CACNB2: variants seen among roughly 807,000 people sequenced by gnomAD.
The protein encoded by CACNB2 is calcium voltage-gated channel auxiliary subunit beta 2.
A neutral mutation model predicts 73.3 loss-of-function variants in CACNB2; 42 were observed. The observed-to-expected ratio is 0.57, with a 90% CI of 0.45 to 0.74. CACNB2 has a LOEUF of 0.74. Ranked by LOEUF, CACNB2 falls within the 30% of genes least tolerant of loss-of-function variation. The probability of loss-of-function intolerance (pLI) is 0.00; values close to 1 mark genes in which losing one functional copy is unlikely to be tolerated. For missense variants in CACNB2, 940 were observed against 853.0 expected (o/e 1.10, Z -1.27); for synonymous variants, 348 against 310.3 (o/e 1.12, Z -1.28).
At chr10:18,391,567 G>A (rs929316185) in intron 2 of CACNB2, among the ~76,000 whole-genome samples, 1 of 152,118 alleles carries the variant, frequency 6.6e-6, no homozygotes, top group Non-Finnish European at 1.5e-5. Context: ...CCTCGTGGGT[G>A]TTATATCCTA....
At chr10:18,385,662 T>A (rs58941357) in intron 2 of CACNB2, among the ~76,000 whole-genome samples, 60,744 of 144,366 alleles carry the variant, frequency 0.42, 13,867 homozygotes, top group East Asian at 0.94. Flanking sequence ...AAAAAAAAAA[T>A]TTATTCAAAT....
intron 2 of CACNB2, among the ~76,000 whole-genome samples, chr10:18,385,081 A>C (rs1589206601): frequency 6.6e-6 from 1 of 152,064 alleles, no homozygotes; most frequent in Non-Finnish European, 1.5e-5. Context: ...GGAGTTCGAG[A>C]CCAGCCTGGC....
chr10:18,513,597 C>G (rs950760058), intron 6 of CACNB2: 29 of 334,192 alleles, frequency 8.7e-5, no homozygotes, highest in African/African-American at 5.5e-4. Context: ...GCTTTACGAC[C>G]CATTTTGAAC....
intron 1 of CACNB2, among the ~76,000 whole-genome samples, chr10:18,146,840 G>A (rs1028413011): frequency 6.6e-6 from 1 of 152,076 alleles, no homozygotes; most frequent in Admixed American, 6.6e-5. Context: ...CCAGGCTAGT[G>A]TCAAACTCCT....
chr10:18,180,718 G>A (rs750830107), intron 2 of CACNB2, among the ~76,000 whole-genome samples: 60 of 152,094 alleles, frequency 3.9e-4, no homozygotes, highest in Non-Finnish European at 5.6e-4. Context: ...TGTAATCCTA[G>A]CACTTTGGGA....
At chr10:18,376,575 G>T (rs1564483023) in intron 2 of CACNB2, among the ~76,000 whole-genome samples, 1 of 152,124 alleles carries the variant, frequency 6.6e-6, no homozygotes, top group Non-Finnish European at 1.5e-5. Flanking sequence ...GGCCAATTTT[G>T]GTCAGGAGCA....
At position 18,154,507 on chromosome 10, in the gene CACNB2, G is replaced by A. The variant is rs181140154; in HGVS notation, c.213+3532G>A. Among the ~76,000 whole-genome samples, 26 of 151,652 alleles carry A rather than the reference G, an allele frequency of 1.7e-4. No homozygotes were observed. In the East Asian group the frequency reaches 2.1e-3, roughly 12 times the overall value. ...TTTTGAGGTGGAGTCTCACTCTGTC[G>A]CCCAGGCTGGAGTGCGGTGGCCTGA... On this transcript the variant is annotated intron_variant, in intron 2 of 13. Coordinates refer to ENST00000324631, the MANE Select transcript of CACNB2 (RefSeq NM_201596.3).
intron 2 of CACNB2, among the ~76,000 whole-genome samples, chr10:18,228,433 C>CAAAAAAAAAAAAAAAAAAAAAAAAA (rs1164745930): frequency 1.7e-3 from 59 of 34,762 alleles, no homozygotes; most frequent in Non-Finnish European, 2.0e-3. Context: ...AACTCTACCT[C>CAAAAAAAAAAAAAAAAAAAAAAAAA]AAAAAAAAAA....
At chr10:18,145,707 C>T (rs1022449450) in intron 1 of CACNB2, among the ~76,000 whole-genome samples, 3 of 152,178 alleles carry the variant, frequency 2.0e-5, no homozygotes, top group African/African-American at 7.2e-5. Flanking sequence ...CTCTATCCTA[C>T]ACGTAGTCTA....
intron 2 of CACNB2, among the ~76,000 whole-genome samples, chr10:18,254,031 C>T (rs908754514): frequency 2.0e-5 from 3 of 152,122 alleles, no homozygotes; most frequent in Non-Finnish European, 2.9e-5. Context: ...GAACTCTGTA[C>T]GTGGGAGAGT....
intron 2 of CACNB2, among the ~76,000 whole-genome samples, chr10:18,176,958 A>C (rs192309962): frequency 5.9e-5 from 9 of 152,114 alleles, no homozygotes; most frequent in Non-Finnish European, 1.0e-4. Context: ...CTTGTTAGTG[A>C]TGGCAGTGAG....
At chr10:18,279,813 C>T (rs1165548547) in intron 2 of CACNB2, among the ~76,000 whole-genome samples, 1 of 152,224 alleles carries the variant, frequency 6.6e-6, no homozygotes, top group African/African-American at 2.4e-5. Context: ...GGCGCAGTGG[C>T]TCATGCCTGT....
intron 2 of CACNB2, among the ~76,000 whole-genome samples, chr10:18,386,764 T>C (rs1459020746): frequency 6.6e-6 from 1 of 152,138 alleles, no homozygotes; most frequent in Non-Finnish European, 1.5e-5. Context: ...TTTTGGAGTG[T>C]TTCAAGTATC....
Position 18,171,543 on chromosome 10 carries a change from A to AAAAAAAAAAAAAAAAAAAAG in CACNB2, c.213+20574_213+20575insAAAAAAAAAAAAAGAAAAAA, listed in dbSNP as rs1564314409. Among the ~76,000 whole-genome samples the AAAAAAAAAAAAAAAAAAAAG allele has an allele frequency of 3.0e-3, 411 of 138,806 alleles. 21 individuals carry two copies. Among genetic ancestry groups the AAAAAAAAAAAAAAAAAAAAG allele is most frequent in the African/African-American group, 0.013 (399 of 30,808 alleles). The allele number at this position is 138,806 out of a possible 152,430, so 91.1% of individuals were successfully genotyped here. A position where few individuals can be genotyped will look rare whatever the true frequency, so the allele number is the denominator to read the frequency against. ...GCAGAAAAAAAAAAAAAAAAAAAAA[A>AAAAAAAAAAAAAAAAAAAAG]AAAAAAGGCTATTTGTTCTTCTTCA... is the stretch of plus-strand genomic sequence containing the variant. On this transcript the variant is annotated intron_variant, in intron 2 of 13. Transcript: ENST00000324631.
At chr10:18,490,153 A>C (rs949804785) in intron 3 of CACNB2, among the ~76,000 whole-genome samples, 1 of 152,056 alleles carries the variant, frequency 6.6e-6, no homozygotes, top group Non-Finnish European at 1.5e-5. Flanking sequence ...CAGCCACTGC[A>C]CTCCACCAAA....
At chr10:18,251,815 T>C (rs2037102989) in intron 2 of CACNB2, among the ~76,000 whole-genome samples, 1 of 151,978 alleles carries the variant, frequency 6.6e-6, no homozygotes, top group African/African-American at 2.4e-5. Flanking sequence ...TTTTAAACCA[T>C]CAGATCTCGT....
intron 2 of CACNB2, among the ~76,000 whole-genome samples, chr10:18,230,718 C>G (rs1378962384): frequency 1.2e-4 from 18 of 152,066 alleles, no homozygotes; most frequent in Non-Finnish European, 1.0e-4. Flanking sequence ...GATCATGTCA[C>G]CAAAAGTCCT....
At chr10:18,213,534 C>T in intron 2 of CACNB2, among the ~76,000 whole-genome samples, 2 of 152,224 alleles carry the variant, frequency 1.3e-5, no homozygotes, top group South Asian at 4.2e-4. Context: ...CTCAAAAAAT[C>T]CTGTTTCTTG....
chr10:18,372,349 A>G (rs1447310873), intron 2 of CACNB2, among the ~76,000 whole-genome samples: 2 of 152,124 alleles, frequency 1.3e-5, no homozygotes, highest in East Asian at 3.8e-4. Flanking sequence ...CTAACATGTA[A>G]GTTTTTAATC....
Sources: allele counts gnomAD v4.1 joint callset (sites outside exome capture counted in the v4.1 genomes callset), GRCh38; gene constraint gnomAD v4.1.1; transcripts MANE v1.5; gene names NCBI Gene and HGNC (gene_info 2026-07-23, HGNC 2026-07-21).